Variants in ITGB5 observed in about 807,000 individuals in gnomAD.
The protein encoded by ITGB5 is integrin beta-5.
ITGB5 carries 38 observed loss-of-function variants against 84.8 expected under a neutral mutation model. The observed-to-expected ratio is 0.45, with a 90% CI of 0.35 to 0.59. The LOEUF (loss-of-function observed/expected upper bound fraction) is 0.59, where lower values mean the gene tolerates loss of function less well. Ranked by LOEUF, ITGB5 falls within the 20% of genes least tolerant of loss-of-function variation. ITGB5 has a pLI of 0.01. For synonymous variants in ITGB5, 393 were observed against 414.4 expected (o/e 0.95, Z 0.63); for missense variants, 905 against 1,034.5 (o/e 0.87, Z 1.72).
chr3:124,850,643 T>C (rs1051623760), intron 3 of ITGB5, among the ~76,000 whole-genome samples: 2 of 151,398 alleles, frequency 1.3e-5, no homozygotes, highest in East Asian at 3.9e-4. Flanking sequence ...TGTATACATA[T>C]GTAACTAACC....
Position 124,763,211 on chromosome 3 carries a change from T to C in ITGB5, c.*412A>G, listed in dbSNP as rs956141180. 1.8e-5 allele frequency: 3 copies of C among 165,370 alleles called. No homozygotes were observed. The highest frequency in any genetic ancestry group is 7.2e-5 in the African/African-American group (3 of 41,830). The allele number at this position is 165,370 out of a possible 1,614,324, so 10.2% of individuals were successfully genotyped here. On this transcript the variant is annotated 3_prime_UTR_variant, in exon 15 of 15. Coordinates refer to ENST00000296181, the MANE Select transcript of ITGB5 (RefSeq NM_002213.5). Reference sequence around the variant, plus strand: ...TTATTTCATATAAAAATGATCAATGTGAAAAAAGCCAAACTGTATGCTGGT... The same window carrying C: ...TTATTTCATATAAAAATGATCAATGCGAAAAAAGCCAAACTGTATGCTGGT...
At chr3:124,854,527 G>A (rs564787098) in intron 3 of ITGB5, among the ~76,000 whole-genome samples, 6 of 152,296 alleles carry the variant, frequency 3.9e-5, no homozygotes, top group South Asian at 2.1e-4. Context: ...ATTTTATGAC[G>A]TATAGGAAAT....
chr3:124,788,827 G>A (rs2064118021), intron 10 of ITGB5, among the ~76,000 whole-genome samples: 1 of 152,208 alleles, frequency 6.6e-6, no homozygotes, highest in Non-Finnish European at 1.5e-5. Flanking sequence ...ATTTCTAGGT[G>A]CTCCTACCAG....
intron 2 of ITGB5, among the ~76,000 whole-genome samples, chr3:124,861,234 G>A (rs1189664708): frequency 6.6e-6 from 1 of 151,786 alleles, no homozygotes; most frequent in Non-Finnish European, 1.5e-5. Flanking sequence ...AATCCCCGAG[G>A]ATCTTGCCTG....
At chr3:124,868,039 T>C (rs1289618010) in intron 2 of ITGB5, among the ~76,000 whole-genome samples, 2 of 152,130 alleles carry the variant, frequency 1.3e-5, no homozygotes, top group Non-Finnish European at 2.9e-5. Flanking sequence ...TGAGATCTGA[T>C]AGTTTCATAA....
At chr3:124,849,176 G>A (rs1341901919) in intron 3 of ITGB5, among the ~76,000 whole-genome samples, 1 of 152,208 alleles carries the variant, frequency 6.6e-6, no homozygotes, top group Non-Finnish European at 1.5e-5. Context: ...TCAGTGGACA[G>A]TGAACCAGAC....
chr3:124,878,401 T>C (rs7618865), intron 1 of ITGB5, among the ~76,000 whole-genome samples: 4,633 of 152,284 alleles, frequency 0.03, 235 homozygotes, highest in African/African-American at 0.11. Context: ...GTAAAACAAT[T>C]TGTCATATAG....
At chr3:124,868,652 T>A (rs1349280495) in intron 2 of ITGB5, among the ~76,000 whole-genome samples, 2 of 143,232 alleles carry the variant, frequency 1.4e-5, no homozygotes, top group East Asian at 2.0e-4. Context: ...AATCAAAAAC[T>A]TGCCTGGATG....
chr3:124,772,792 C>T (rs1171953244), intron 11 of ITGB5, among the ~76,000 whole-genome samples: 3 of 152,188 alleles, frequency 2.0e-5, no homozygotes, highest in Admixed American at 1.3e-4. Context: ...TCTCTGCATT[C>T]AGCAGCAGCA....
intron 12 of ITGB5, 54 bp downstream of exon 12, chr3:124,768,959 C>T (rs2063803608): frequency 7.0e-7 from 1 of 1,426,212 alleles, no homozygotes; most frequent in Non-Finnish European, 9.9e-7. Context: ...AAACTACCCT[C>T]CTCCCCAGGA....
chr3:124,781,364 G>A (rs2064002746), intron 10 of ITGB5: 1 of 152,424 alleles, frequency 6.6e-6, no homozygotes, highest in Non-Finnish European at 1.5e-5. Context: ...GTCCTCCCAT[G>A]CCCTCGTGTG....
chr3:124,816,588 C>A (rs1250648459), intron 8 of ITGB5, among the ~76,000 whole-genome samples: 1 of 152,148 alleles, frequency 6.6e-6, no homozygotes, highest in African/African-American at 2.4e-5. Flanking sequence ...CATCTTGGGA[C>A]CCACAAGAGA....
intron 8 of ITGB5, among the ~76,000 whole-genome samples, chr3:124,810,877 A>G (rs1211940782): frequency 7.1e-6 from 1 of 140,318 alleles, no homozygotes; most frequent in Non-Finnish European, 1.5e-5. Flanking sequence ...TGGAGAGAAC[A>G]GCAGACAGAC....
At chr3:124,801,561 C>A (rs1251014654) in intron 9 of ITGB5, among the ~76,000 whole-genome samples, 1 of 152,176 alleles carries the variant, frequency 6.6e-6, no homozygotes, top group Admixed American at 6.5e-5. Flanking sequence ...GCCCCTCATA[C>A]GGGCCGTGTC....
chr3:124,838,546 G>A (rs1046869324), intron 5 of ITGB5, among the ~76,000 whole-genome samples: 5 of 152,014 alleles, frequency 3.3e-5, no homozygotes, highest in African/African-American at 1.2e-4. Context: ...CCAAGAGAGA[G>A]CAAAGTTACT....
At chr3:124,767,236 T>C (rs1176524346) in intron 12 of ITGB5, among the ~76,000 whole-genome samples, 2 of 152,238 alleles carry the variant, frequency 1.3e-5, no homozygotes, top group African/African-American at 4.8e-5. Context: ...TTTCCAGCTC[T>C]TGCCTTTTTA....
intron 1 of ITGB5, among the ~76,000 whole-genome samples, chr3:124,873,966 G>A (rs997953728): frequency 2.0e-5 from 3 of 151,644 alleles, no homozygotes; most frequent in African/African-American, 7.3e-5. Flanking sequence ...ACATCAAAAT[G>A]TACAGTGTAC....
intron 9 of ITGB5, among the ~76,000 whole-genome samples, chr3:124,799,357 G>A (rs1468487136): frequency 2.0e-5 from 3 of 152,120 alleles, no homozygotes; most frequent in East Asian, 1.9e-4. Flanking sequence ...CCAGGAGTTC[G>A]AGACCAACCT....
intron 1 of ITGB5, among the ~76,000 whole-genome samples, chr3:124,885,931 C>T (rs1934783370): frequency 6.6e-6 from 1 of 152,216 alleles, no homozygotes; most frequent in South Asian, 2.1e-4. Context: ...GCCAGGCAAC[C>T]ACTTGGCTCA....
Sources: allele counts gnomAD v4.1 joint callset (sites outside exome capture counted in the v4.1 genomes callset), GRCh38; gene constraint gnomAD v4.1.1; transcripts MANE v1.5; gene names NCBI Gene and HGNC (gene_info 2026-07-23, HGNC 2026-07-21).